DNAH17: variants seen among roughly 807,000 people sequenced by gnomAD.
The protein encoded by DNAH17 is axonemal beta dynein heavy chain 17.
Under a neutral mutation model 485.6 loss-of-function variants are expected in DNAH17, and 376 were observed. The ratio of observed to expected loss-of-function variants is 0.77; its 90% CI spans 0.71 to 0.84. DNAH17 has a LOEUF of 0.84. DNAH17 is among the 40% of genes least tolerant of loss of function. The pLI is 0.00. For missense variants in DNAH17, 6,370 were observed against 5,839.3 expected (o/e 1.09, Z -2.96); for synonymous variants, 3,031 against 2,405.9 (o/e 1.26, Z -7.60).
chr17:78,469,391 T>C (rs1387712604), intron 54 of DNAH17, among the ~76,000 whole-genome samples: 1 of 152,190 alleles, frequency 6.6e-6, no homozygotes, highest in Non-Finnish European at 1.5e-5. Context: ...TCCACCCGCC[T>C]CGGCCTCCCA....
At chr17:78,445,750 T>C (rs1014809517) in intron 69 of DNAH17, 70 bp from the exon 70 acceptor site, 9 of 1,518,930 alleles carry the variant, frequency 5.9e-6, no homozygotes, top group Admixed American at 2.0e-5. Flanking sequence ...AGATGCGCGC[T>C]GGACTCGAAG....
rs2092319976 is a variant in DNAH17, at chr17:78,569,549, C to T, written c.1045-22G>A. On this transcript the variant is annotated intron_variant, in intron 7 of 80. Transcript: ENST00000389840. The stretch of plus-strand genomic sequence containing the variant: ...GTGTCTGGGCAAAAGAGAAGACAGA[C>T]ATCTAAAGCTCCGACAAGCCATTTG... 6 of 1,593,190 alleles carry T rather than the reference C, an allele frequency of 3.8e-6. No individual in the cohort carries two copies. In the South Asian group the frequency reaches 5.7e-5, roughly 15 times the overall value.
At position 78,465,614 on chromosome 17, in the gene DNAH17, C is replaced by T. The variant is rs12946828; in HGVS notation, c.8940+1041G>A. 3.1e-3 allele frequency among the ~76,000 whole-genome samples: 468 copies of T among 151,232 alleles called. 1 individual carries two copies. Among genetic ancestry groups the T allele is most frequent in the Non-Finnish European group, 5.6e-3 (381 of 67,804 alleles). ...CTGGGATGTGAGGAGCGCCTCTGCCCGGCCGAGACCCCGTCTGGGAGGTGA... is the reference window on the plus strand; with the variant it reads ...CTGGGATGTGAGGAGCGCCTCTGCCTGGCCGAGACCCCGTCTGGGAGGTGA... On this transcript the variant is annotated intron_variant, in intron 56 of 80. Transcript: ENST00000389840.
chr17:78,430,930 GAGTGCAGTGGTACAAACATGGCTC>G (rs1260848968), intron 75 of DNAH17, among the ~76,000 whole-genome samples: 2 of 152,152 alleles, frequency 1.3e-5, no homozygotes, highest in Non-Finnish European at 2.9e-5. Flanking sequence ...TCCCAGGCTG[GAGTGCAGTGGTACAAACATGGCTC>G]ACTGCAGCCT....
In DNAH17 at chr17:78,508,209, G is replaced by C. The variant is rs530435522; in HGVS notation, c.4237-404C>G. On this transcript the variant is annotated intron_variant, in intron 27 of 80. Coordinates refer to ENST00000389840, the MANE Select transcript of DNAH17 (RefSeq NM_173628.4). ...AGGCACTTGAAGGGCAGCAGATGCA[G>C]GACTCTCTCTCTGAGCCTCATGCTG... Among the ~76,000 whole-genome samples the C allele has an allele frequency of 1.2e-4, 19 of 152,284 alleles. No individual in the cohort carries two copies. In the South Asian group the frequency reaches 3.9e-3, roughly 32 times the overall value.
rs751428436 is a variant in DNAH17 at position 78,454,498 on chromosome 17, G to A, written c.10378C>T (p.Leu3460=). The change falls in exon 64 of 81, where the codon CTG becomes TTG. Residue 3460 remains leucine, a synonymous_variant. Coordinates refer to ENST00000389840, the MANE Select transcript of DNAH17 (RefSeq NM_173628.4). The part of the protein sequence containing the change: ...KWIKNKYRSE[L]KAIRLGQKSY... Reference sequence around the variant, plus strand: ...TTCTGTCCCAGGCGGATGGCTTTCAGTTCACTCCTGTATTTGTTTTTGATC... The same window carrying A: ...TTCTGTCCCAGGCGGATGGCTTTCAATTCACTCCTGTATTTGTTTTTGATC... The A allele has an allele frequency of 4.6e-5, 75 of 1,613,194 alleles. No homozygotes were observed. In the Admixed American group the frequency reaches 1.2e-3, roughly 26 times the overall value.
chr17:78,506,726 G>A lies in DNAH17; in HGVS notation c.4797C>T (p.Pro1599=), dbSNP rs771369196. ...TGCAAGGGGCCCCGCCTACCTCCAC[G>A]GGGTCATTGCCATTGGAGAGAATGT... The part of the protein sequence containing the change: ...LLDILSNGND[P]VEVSRHLSKL... Residue 1599 remains proline, a synonymous_variant, in exon 30 of 81, where the codon CCC becomes CCT. Coordinates refer to ENST00000389840, the MANE Select transcript of DNAH17 (RefSeq NM_173628.4). 61 of 1,613,938 alleles carry A rather than the reference G, an allele frequency of 3.8e-5. No individual in the cohort carries two copies. Among genetic ancestry groups the A allele is most frequent in the South Asian group, 9.9e-5 (9 of 91,080 alleles).
rs771604955 is a variant in DNAH17, at chr17:78,571,277, A to G, written c.832+2T>C. Reference sequence around the variant, plus strand: ...GAACTCATGACAGGGTCACAGGCTCACCTTCAGTGACGTTGGTGTAAACGT... The same window carrying G: ...GAACTCATGACAGGGTCACAGGCTCGCCTTCAGTGACGTTGGTGTAAACGT... On this transcript the variant is annotated splice_donor_variant, in intron 5 of 80. Coordinates refer to ENST00000389840, the MANE Select transcript of DNAH17 (RefSeq NM_173628.4). LOFTEE classifies it high-confidence loss of function. 1 of 1,611,778 alleles carries G rather than the reference A, an allele frequency of 6.2e-7. No homozygotes were observed. Among genetic ancestry groups the G allele is most frequent in the Non-Finnish European group, 8.5e-7 (1 of 1,178,656 alleles).
rs758035733 is a variant in DNAH17 at position 78,525,009 on chromosome 17, C to T, written c.3864G>A (p.Val1288=). 12 of 1,611,942 alleles carry T rather than the reference C, an allele frequency of 7.4e-6. 1 individual carries two copies. The highest frequency in any genetic ancestry group is 3.3e-4 in the Middle Eastern group (2 of 6,078). The change falls in exon 25 of 81, where the codon GTG becomes GTA. Residue 1288 remains valine, a splice_region_variant and synonymous_variant. Transcript: ENST00000389840. ...CCCACGCGGCGTGCCCTGCACTCAC[C>T]ACAACAACCATGTCCCAGAGCTCCT... ...LLKELWDMVV[V]VNTSIEDWKT...
At chr17:78,486,693 CGGA>C (rs1002443359) in intron 44 of DNAH17, among the ~76,000 whole-genome samples, 187 bp from the exon 45 acceptor site, 10 of 152,134 alleles carry the variant, frequency 6.6e-5, no homozygotes, top group Admixed American at 5.9e-4. Context: ...CTGAAAGGGT[CGGA>C]GGAGGATGCC....
In DNAH17 at chr17:78,492,780, G is replaced by A; in HGVS notation, c.6409-15C>T. On this transcript the variant is annotated splice_polypyrimidine_tract_variant and intron_variant, in intron 41 of 80. Transcript: ENST00000389840. Reference sequence around the variant, plus strand: ...GATTTGAGGACCTGGCGAAGGTGGGGGTCACTCACGTGTGACTCCATGTTC... The same window carrying A: ...GATTTGAGGACCTGGCGAAGGTGGGAGTCACTCACGTGTGACTCCATGTTC... The A allele has an allele frequency of 6.2e-7, 1 of 1,609,126 alleles. No homozygotes were observed. The highest frequency in any genetic ancestry group is 8.5e-7 in the Non-Finnish European group (1 of 1,177,676).
intron 25 of DNAH17, among the ~76,000 whole-genome samples, chr17:78,520,236 T>C (rs1446201792): frequency 1.3e-5 from 2 of 152,126 alleles, no homozygotes; most frequent in Admixed American, 1.3e-4. Context: ...AGAAAAGGAA[T>C]AGAATTTCCT....
In DNAH17 at chr17:78,488,684, G is replaced by T. The variant is rs80016417; in HGVS notation, c.6818+2015C>A. ...CCACCCAGAACCCAGAATGTGCCCT[G>T]ATTTGGAGAAAGGGCATTAGCAGAT... On this transcript the variant is annotated intron_variant, in intron 44 of 80. Coordinates refer to ENST00000389840, the MANE Select transcript of DNAH17 (RefSeq NM_173628.4). Among the ~76,000 whole-genome samples the T allele has an allele frequency of 5.0e-3, 756 of 152,298 alleles. 5 individuals carry two copies. Among genetic ancestry groups the T allele is most frequent in the African/African-American group, 0.016 (684 of 41,558 alleles).
At chr17:78,485,811 C>T (rs2089581550) in intron 46 of DNAH17, 54 bp from the exon 47 acceptor site, 2 of 1,594,688 alleles carry the variant, frequency 1.3e-6, no homozygotes, top group Admixed American at 1.7e-5. Context: ...ACTTCTGCCT[C>T]TCGTGGGTGT....
rs752744863 is a variant in DNAH17, at chr17:78,461,507, AGCCTTCCTGAAGGCACGCTGGGCT to A, written c.9339+13_9339+36del. 240 of 1,517,772 alleles carry A rather than the reference AGCCTTCCTGAAGGCACGCTGGGCT, an allele frequency of 1.6e-4. 1 individual carries two copies. In the East Asian group the frequency reaches 5.7e-3, roughly 36 times the overall value. The allele number at this position is 1,517,772 out of a possible 1,614,324, so 94.0% of individuals were successfully genotyped here. On this transcript the variant is annotated intron_variant, in intron 58 of 80. Transcript: ENST00000389840. Reference sequence around the variant, plus strand: ...GCCCAGGAGGCCTGGCCAGTGCAGCAGCCTTCCTGAAGGCACGCTGGGCTGCCTTCACCTACCTTATTGATGACC... The same window carrying A: ...GCCCAGGAGGCCTGGCCAGTGCAGCAGCCTTCACCTACCTTATTGATGACC...
intron 47 of DNAH17, among the ~76,000 whole-genome samples, chr17:78,485,340 C>A (rs1218657801): frequency 3.3e-5 from 5 of 152,184 alleles, no homozygotes; most frequent in African/African-American, 1.2e-4. Context: ...ACCCCATCAC[C>A]ATGCCCACAA....
intron 14 of DNAH17, among the ~76,000 whole-genome samples, chr17:78,555,006 C>T (rs2091989120): frequency 6.6e-6 from 1 of 152,184 alleles, no homozygotes; most frequent in Non-Finnish European, 1.5e-5. Context: ...CTCGGCCTCC[C>T]AAAGTGCTGA....
At chr17:78,550,079 G>T (rs2091864732) in intron 16 of DNAH17, among the ~76,000 whole-genome samples, 1 of 152,216 alleles carries the variant, frequency 6.6e-6, no homozygotes, top group Non-Finnish European at 1.5e-5. Context: ...TGAGACACTG[G>T]GGAAATGGCC....
chr17:78,544,215 A>T (rs1481089491), intron 16 of DNAH17, among the ~76,000 whole-genome samples: 1 of 152,124 alleles, frequency 6.6e-6, no homozygotes, highest in Non-Finnish European at 1.5e-5. Context: ...CAAAACCAAA[A>T]CCAGGGCCTA....
Sources: allele counts gnomAD v4.1 joint callset (sites outside exome capture counted in the v4.1 genomes callset), GRCh38; gene constraint gnomAD v4.1.1; transcripts MANE v1.5; gene names NCBI Gene and HGNC (gene_info 2026-07-23, HGNC 2026-07-21).